LRRC59: variants seen among roughly 807,000 people sequenced by gnomAD.
LRRC59 encodes leucine rich repeat containing 59.
LRRC59 carries 18 observed loss-of-function variants against 33.5 expected under a neutral mutation model. The ratio of observed to expected loss-of-function variants is 0.54; its 90% CI spans 0.37 to 0.80. The LOEUF (loss-of-function observed/expected upper bound fraction) is 0.80, where lower values mean the gene tolerates loss of function less well. Ranked by LOEUF, LRRC59 falls within the 30% of genes least tolerant of loss-of-function variation. The pLI, the probability that LRRC59 is intolerant of heterozygous loss-of-function variation, is 0.00. For synonymous variants in LRRC59, 138 were observed against 160.0 expected (o/e 0.86, Z 1.04); for missense variants, 330 against 391.9 (o/e 0.84, Z 1.33).
At chr17:50,394,876 A>C in intron 2 of LRRC59, 53 bp downstream of exon 2, 423 of 849,520 alleles carry the variant, frequency 5.0e-4, no homozygotes, top group Non-Finnish European at 7.3e-4. Flanking sequence ...CCGAAACAGG[A>C]AGGAGATGCA....
At chr17:50,392,074 T>C (rs1207471072) in intron 4 of LRRC59, among the ~76,000 whole-genome samples, 1 of 152,114 alleles carries the variant, frequency 6.6e-6, no homozygotes, top group Non-Finnish European at 1.5e-5. Context: ...GTAGCAGGCG[T>C]CTGTAATCTC....
At chr17:50,387,488 ATAAT>A (rs1914037282) in intron 5 of LRRC59, among the ~76,000 whole-genome samples, 1 of 152,218 alleles carries the variant, frequency 6.6e-6, no homozygotes, top group South Asian at 2.1e-4. Flanking sequence ...AAGTAGCAGC[ATAAT>A]TATTTATGTT....
intron 6 of LRRC59, among the ~76,000 whole-genome samples, chr17:50,384,853 A>G (rs889119862): frequency 3.3e-5 from 5 of 151,776 alleles, no homozygotes; most frequent in African/African-American, 1.2e-4. Flanking sequence ...AAAAAGTGAG[A>G]CTCTGTTCTG....
chr17:50,390,223 G>GT (rs1385528030), intron 4 of LRRC59, among the ~76,000 whole-genome samples: 1 of 152,064 alleles, frequency 6.6e-6, no homozygotes, highest in Admixed American at 6.5e-5. Context: ...AGTGTGGAAA[G>GT]TAAGAGTCCA....
At chr17:50,397,158 T>C (rs765053585) in intron 1 of LRRC59, 55 bp downstream of exon 1, 2 of 1,323,506 alleles carry the variant, frequency 1.5e-6, no homozygotes, top group East Asian at 2.7e-5. Flanking sequence ...GTGGCCCACG[T>C]AGGGGCCAGC....
intron 4 of LRRC59, among the ~76,000 whole-genome samples, chr17:50,388,528 A>G (rs1914065702): frequency 2.0e-5 from 3 of 151,994 alleles, no homozygotes; most frequent in Admixed American, 2.0e-4. Context: ...GTGAAGACTG[A>G]GACCCTATCT....
intron 1 of LRRC59, chr17:50,396,493 G>C (rs560593054): frequency 3.0e-4 from 46 of 152,430 alleles, no homozygotes; most frequent in African/African-American, 7.2e-4. Context: ...GCAAAGTGTG[G>C]GTCACCCAAA....
intron 5 of LRRC59, chr17:50,386,132 CTATTT>C (rs1399643857): frequency 2.1e-5 from 2 of 97,272 alleles, no homozygotes; most frequent in Non-Finnish European, 2.5e-5. Flanking sequence ...ACTGCACTGA[CTATTT>C]TTTTTTTTTA....
Position 50,397,210 on chromosome 17 carries a change from G to C in LRRC59, c.105+3C>G, listed in dbSNP as rs749693136. The C allele has an allele frequency of 1.9e-6, 3 of 1,595,964 alleles. No individual in the cohort carries two copies. Among genetic ancestry groups the C allele is most frequent in the East Asian group, 2.4e-5 (1 of 42,414 alleles). ...CGCCTGGGCCTCGCGGGACGATACT[G>C]ACCAGCTCCTTCACCGGGACCTCAT... On this transcript the variant is annotated splice_donor_region_variant and intron_variant, in intron 1 of 6. Transcript: ENST00000225972.
intron 1 of LRRC59, chr17:50,396,892 T>G: frequency 2.6e-6 from 1 of 389,246 alleles, no homozygotes; most frequent in Non-Finnish European, 4.5e-6. Context: ...CTGCTCCGTG[T>G]GCTCCTACTC....
intron 1 of LRRC59, among the ~76,000 whole-genome samples, chr17:50,395,590 G>A (rs538874149): frequency 2.6e-5 from 4 of 152,074 alleles, no homozygotes; most frequent in Non-Finnish European, 4.4e-5. Context: ...ATGACTGATC[G>A]AGTAAGTAGC....
intron 6 of LRRC59, 114 bp from the exon 7 acceptor site, chr17:50,383,349 A>C: frequency 7.6e-7 from 1 of 1,323,350 alleles, no homozygotes. Context: ...CTCAAGCAAA[A>C]ACTCCCCAGG....
intron 6 of LRRC59, 53 bp from the exon 7 acceptor site, chr17:50,383,288 C>G: frequency 6.6e-7 from 1 of 1,521,108 alleles, no homozygotes; most frequent in East Asian, 2.5e-5. Flanking sequence ...GAGACCTGCT[C>G]TATACTAATC....
intron 4 of LRRC59, among the ~76,000 whole-genome samples, chr17:50,390,115 A>G (rs1290914350): frequency 6.9e-6 from 1 of 145,522 alleles, no homozygotes; most frequent in African/African-American, 2.5e-5. Context: ...AAAAAAAAAA[A>G]AGAAAAAGGA....
chr17:50,395,378 A>AAGGC (rs200741723), intron 1 of LRRC59, among the ~76,000 whole-genome samples: 3,037 of 150,244 alleles, frequency 0.02, 48 homozygotes, highest in Middle Eastern at 0.055. Context: ...AAAAGAAAGG[A>AAGGC]AGGCAGGCAG....
chr17:50,394,278 C>T (rs1914219249), intron 2 of LRRC59, among the ~76,000 whole-genome samples: 1 of 152,174 alleles, frequency 6.6e-6, no homozygotes, highest in Non-Finnish European at 1.5e-5. Context: ...ACACTTAGGC[C>T]TGACGGTGCA....
chr17:50,396,150 AG>A (rs1408224620), intron 1 of LRRC59: 2 of 152,242 alleles, frequency 1.3e-5, no homozygotes, highest in African/African-American at 2.4e-5. Context: ...AAGTCGTAAA[AG>A]TGAAGTTTGA....
At chr17:50,384,694 GAC>G (rs1187289358) in intron 6 of LRRC59, among the ~76,000 whole-genome samples, 1 of 151,316 alleles carries the variant, frequency 6.6e-6, no homozygotes, top group Non-Finnish European at 1.5e-5. Context: ...GAACCCAGGA[GAC>G]GGAGGTTGCA....
intron 4 of LRRC59, among the ~76,000 whole-genome samples, chr17:50,390,434 G>A (rs372631861): frequency 1.7e-4 from 26 of 152,106 alleles, no homozygotes; most frequent in African/African-American, 6.3e-4. Flanking sequence ...GCAGGTTGCA[G>A]TGAACTGAGA....
Sources: allele counts gnomAD v4.1 joint callset (sites outside exome capture counted in the v4.1 genomes callset), GRCh38; gene constraint gnomAD v4.1.1; transcripts MANE v1.5; gene names NCBI Gene and HGNC (gene_info 2026-07-23, HGNC 2026-07-21).